FCRL3: variants seen among roughly 807,000 people sequenced by gnomAD.
The protein encoded by FCRL3 is Fc receptor like 3, also known as Fc receptor-like protein 3.
Under a neutral mutation model 75.0 loss-of-function variants are expected in FCRL3, and 89 were observed. That is an observed-to-expected ratio of 1.19 (90% CI 1.00 to 1.42). The LOEUF (loss-of-function observed/expected upper bound fraction) is 1.42, where lower values mean the gene tolerates loss of function less well. FCRL3 is among the 40% of genes most tolerant of loss of function. The pLI is 0.00. For missense variants in FCRL3, 946 were observed against 880.0 expected, an observed-to-expected ratio of 1.07 and a Z score of -0.95; for synonymous variants, 376 against 348.5, an observed-to-expected ratio of 1.08 and a Z score of -0.88.
chr1:157,680,976 C>G lies in FCRL3; in HGVS notation c.1957+5G>C, dbSNP rs1216683172. 1.3e-6 allele frequency: 2 copies of G among 1,573,052 alleles called. No homozygotes were observed. The highest frequency in any genetic ancestry group is 2.4e-5 in the South Asian group (2 of 82,170). ...AGAGCCTTCTGCCCCCTAGGGAGTC[C>G]TCACCATTGCTGTACATTGGCTCCA... is the stretch of plus-strand genomic sequence containing the variant. On this transcript the variant is annotated splice_donor_5th_base_variant and intron_variant, in intron 12 of 14. Transcript: ENST00000368184.
In FCRL3 at chr1:157,681,051, C is replaced by A. The variant is rs753341395; in HGVS notation, c.1887G>T (p.Arg629Ser). 2.7e-5 allele frequency: 43 copies of A among 1,604,048 alleles called. No individual in the cohort carries two copies. Among genetic ancestry groups the A allele is most frequent in the Non-Finnish European group, 3.5e-5 (41 of 1,176,998 alleles). Residue 629 changes from arginine to serine, a missense_variant, in exon 12 of 15, where the codon AGG (arginine) becomes AGT (serine). Physicochemically the swap from Arg to Ser is moderately radical, Grantham distance 110 (BLOSUM62 -1). Coordinates refer to ENST00000368184, the MANE Select transcript of FCRL3 (RefSeq NM_052939.4). Reference sequence around the variant, plus strand: ...AGTGAGTGGGCTCTTGAGGGTCTATCCTGGAAGGCCTGGACGAGGAAGGCT... The same window carrying A: ...AGTGAGTGGGCTCTTGAGGGTCTATACTGGAAGGCCTGGACGAGGAAGGCT... ...CQEPSSSRPS[R>S]IDPQEPTHSK... is the part of the protein sequence containing the mutation.
At chr1:157,689,125 C>T (rs1655347172) in intron 10 of FCRL3, among the ~76,000 whole-genome samples, 1 of 152,144 alleles carries the variant, frequency 6.6e-6, no homozygotes. Context: ...TCTCTCACCA[C>T]TTGCACTCAG....
intron 6 of FCRL3, chr1:157,696,681 T>A (rs1176274204): frequency 3.5e-6 from 1 of 287,592 alleles, no homozygotes; most frequent in Admixed American, 4.7e-5. Flanking sequence ...CAAAATAGAA[T>A]CCAAACCCTT....
chr1:157,698,669 A>G lies in FCRL3; in HGVS notation c.53-40T>C, dbSNP rs187158141. ...GAAAGATGAAGGCAGGGGAAGGTCA[A>G]TGGGAGGTGGGCACAGCACATGGGG... is the stretch of plus-strand genomic sequence containing the variant. On this transcript the variant is annotated intron_variant, in intron 3 of 14. Transcript: ENST00000368184. The G allele has an allele frequency of 4.2e-4, 676 of 1,610,238 alleles. 4 individuals are homozygous for G. In the African/African-American group the frequency reaches 8.1e-3, roughly 19 times the overall value.
At chr1:157,681,910 T>A (rs990252636) in intron 11 of FCRL3, among the ~76,000 whole-genome samples, 1 of 151,984 alleles carries the variant, frequency 6.6e-6, no homozygotes, top group Non-Finnish European at 1.5e-5. Context: ...ACCTGTTGTT[T>A]CCTGACTTTT....
chr1:157,681,134 A>G (rs756715707), intron 11 of FCRL3, 35 bp from the exon 12 acceptor site: 3 of 1,389,370 alleles, frequency 2.2e-6, no homozygotes, highest in Non-Finnish European at 2.9e-6. Context: ...ATTAAAAAGT[A>G]TCTGTGGGTT....
intron 8 of FCRL3, chr1:157,691,764 G>A (rs1655559274): frequency 6.6e-6 from 1 of 152,154 alleles, no homozygotes. Context: ...TGGAAAGAGA[G>A]ATTTCCAACC....
intron 8 of FCRL3, 61 bp from the exon 9 acceptor site, chr1:157,690,594 A>T (rs1655464374): frequency 6.3e-7 from 1 of 1,578,530 alleles, no homozygotes; most frequent in Non-Finnish European, 8.6e-7. Flanking sequence ...AGAGAACTTA[A>T]TAAAGGAATA....
chr1:157,695,313 G>A lies in FCRL3; in HGVS notation c.1411+16C>T. 6.2e-7 allele frequency: 1 copy of A among 1,607,810 alleles called. No homozygotes were observed. The highest frequency in any genetic ancestry group is 2.2e-5 in the East Asian group (1 of 44,850). ...GTTGTATTGGCTGTTAACTGCTGTG[G>A]GTATATCTTGCTTACCTGTGACCCT... On this transcript the variant is annotated intron_variant, in intron 8 of 14. Transcript: ENST00000368184.
chr1:157,688,669 G>A (rs1038211686), intron 10 of FCRL3, among the ~76,000 whole-genome samples: 13 of 149,842 alleles, frequency 8.7e-5, no homozygotes, highest in Non-Finnish European at 1.5e-5. Context: ...GTGAAAATAT[G>A]GCTATATAAA....
intron 9 of FCRL3, 134 bp downstream of exon 9, chr1:157,690,121 C>T: frequency 1.5e-6 from 2 of 1,336,488 alleles, no homozygotes; most frequent in Non-Finnish European, 2.0e-6. Flanking sequence ...AAAATCAGTA[C>T]CAATCTCCAG....
In FCRL3 at chr1:157,684,987, C is replaced by G. The variant is rs529271918; in HGVS notation, c.1811-1743G>C. Among the ~76,000 whole-genome samples, 3 of 151,930 alleles carry G rather than the reference C, an allele frequency of 2.0e-5. No homozygotes were observed. The South Asian group carries it at 6.3e-4, about 32-fold the overall frequency. On this transcript the variant is annotated intron_variant, in intron 10 of 14. Transcript: ENST00000368184. ...ATTTTGAGAAAAGAAGAGCACAGACCCTCTGCTTGGTGAACTGTCCTAATT... is the reference window on the plus strand; with the variant it reads ...ATTTTGAGAAAAGAAGAGCACAGACGCTCTGCTTGGTGAACTGTCCTAATT...
Position 157,677,558 on chromosome 1 carries a change from T to C in FCRL3, c.*1152A>G, listed in dbSNP as rs776071098. The stretch of plus-strand genomic sequence containing the variant: ...TGTTGGTACATTTTCATTTTTGTCA[T>C]ATTAAAAATTCAACACACTGTGGAA... On this transcript the variant is annotated 3_prime_UTR_variant, in exon 15 of 15. Coordinates refer to ENST00000368184, the MANE Select transcript of FCRL3 (RefSeq NM_052939.4). 1 of 985,426 alleles carries C rather than the reference T, an allele frequency of 1.0e-6. No homozygotes were observed. The highest frequency in any genetic ancestry group is 1.1e-4 in the East Asian group (1 of 8,824). 61.0% of individuals were successfully genotyped at this position (985,426 alleles called of 1,614,324 possible).
chr1:157,699,858 A>G, intron 2 of FCRL3, 146 bp from the exon 3 acceptor site: 1 of 859,332 alleles, frequency 1.2e-6, no homozygotes, highest in Non-Finnish European at 1.8e-6. Context: ...AGAAAATGTC[A>G]TATAATGTAT....
chr1:157,680,795 G>A (rs760864512), intron 12 of FCRL3, 25 bp from the exon 13 acceptor site: 20 of 1,607,804 alleles, frequency 1.2e-5, no homozygotes, highest in Non-Finnish European at 1.7e-5. Flanking sequence ...ATCATAGTTG[G>A]TTGCAGTCAA....
At chr1:157,699,336 T>A (rs956005017) in intron 3 of FCRL3, among the ~76,000 whole-genome samples, 15 of 152,276 alleles carry the variant, frequency 9.9e-5, no homozygotes, top group Non-Finnish European at 2.1e-4. Flanking sequence ...ATGGGATCTA[T>A]TTCTATGTCC....
chr1:157,678,799 C>G lies in FCRL3; in HGVS notation c.2116G>C (p.Glu706Gln), dbSNP rs1654627158. 14 of 1,613,926 alleles carry G rather than the reference C, an allele frequency of 8.7e-6. No individual in the cohort carries two copies. The highest frequency in any genetic ancestry group is 1.1e-5 in the Non-Finnish European group (13 of 1,180,020). Residue 706 changes from glutamate (E) to glutamine (Q), a missense_variant, in exon 15 of 15, where the codon GAG becomes CAG. By Grantham distance (29) the Glu-to-Gln change is conservative. Transcript: ENST00000368184. Reference protein sequence around the residue: ...KKTHPDDSAGEASSRGRAHEE... With the variant: ...KKTHPDDSAGQASSRGRAHEE... Reference sequence around the variant, plus strand: ...TGGGCCCTGCCTCTGCTGCTAGCCTCCCCTGCAGAGTCGTCTGGGTGTGTC... The same window carrying G: ...TGGGCCCTGCCTCTGCTGCTAGCCTGCCCTGCAGAGTCGTCTGGGTGTGTC...
chr1:157,692,831 G>A (rs1655637325), intron 8 of FCRL3, among the ~76,000 whole-genome samples: 1 of 151,918 alleles, frequency 6.6e-6, no homozygotes, highest in African/African-American at 2.4e-5. Context: ...ATAATATTTT[G>A]GAAAATAGTT....
chr1:157,693,318 C>T (rs1307415125), intron 8 of FCRL3, among the ~76,000 whole-genome samples: 1 of 150,586 alleles, frequency 6.6e-6, no homozygotes, highest in Non-Finnish European at 1.5e-5. Flanking sequence ...TGCAGCACTT[C>T]CTACTTACTT....
Sources: allele counts gnomAD v4.1 joint callset (sites outside exome capture counted in the v4.1 genomes callset), GRCh38; gene constraint gnomAD v4.1.1; transcripts MANE v1.5; gene names NCBI Gene and HGNC (gene_info 2026-07-23, HGNC 2026-07-21).